The following OCA2 variants were observed in gnomAD, a reference collection of about 807,000 sequenced individuals.
OCA2 encodes P protein.
OCA2 carries 77 observed loss-of-function variants against 100.2 expected under a neutral mutation model. That is an observed-to-expected ratio of 0.77 (90% CI 0.64 to 0.93). The LOEUF (loss-of-function observed/expected upper bound fraction) is 0.93. OCA2 is among the 40% of genes least tolerant of loss of function. The pLI is 0.00. For synonymous variants in OCA2, 432 were observed against 439.2 expected, an observed-to-expected ratio of 0.98 and a Z score of 0.21; for missense variants, 1,062 against 1,089.1, an observed-to-expected ratio of 0.98 and a Z score of 0.35.
chr15:27,730,196 G>A, the OCA2 span, among the ~76,000 whole-genome samples: 13 of 152,178 alleles, frequency 8.5e-5, no homozygotes, highest in African/African-American at 3.1e-4. Flanking sequence ...CTGACTTACA[G>A]AATCAGGAAA....
chr15:27,879,261 G>A lies in OCA2; in HGVS notation c.2080-7339C>T, dbSNP rs143245766. 3.3e-5 allele frequency among the ~76,000 whole-genome samples: 5 copies of A among 152,242 alleles called. No homozygotes were observed. In the East Asian group the frequency reaches 9.6e-4, roughly 29 times the overall value. ...TTCTTTATCCAGGCTATCATTGTAG[G>A]GCATTTGGGATGATTCCATGTCTTT... On this transcript the variant is annotated intron_variant, in intron 19 of 23. Coordinates refer to ENST00000354638, the MANE Select transcript of OCA2 (RefSeq NM_000275.3).
intron 23 of OCA2, among the ~76,000 whole-genome samples, chr15:27,763,952 C>T (rs2031047660): frequency 6.6e-6 from 1 of 152,050 alleles, no homozygotes; most frequent in African/African-American, 2.4e-5. Context: ...AGTGTCCTCA[C>T]TAAGAAACCC....
intron 3 of OCA2, 37 bp downstream of exon 3, chr15:28,032,028 A>C: frequency 2.6e-6 from 4 of 1,522,822 alleles, no homozygotes; most frequent in Non-Finnish European, 3.6e-6. Context: ...CAATGCTCAG[A>C]AACTCTTACT....
chr15:27,874,867 C>T (rs1434920531), intron 19 of OCA2, among the ~76,000 whole-genome samples: 1 of 151,872 alleles, frequency 6.6e-6, no homozygotes, highest in East Asian at 1.9e-4. Flanking sequence ...GGTAATAAAT[C>T]ATAATAGAAA....
At chr15:27,824,622 A>ATATATATATATATATAT (rs56130193) in intron 23 of OCA2, among the ~76,000 whole-genome samples, 4 of 69,170 alleles carry the variant, frequency 5.8e-5, no homozygotes, top group Non-Finnish European at 7.9e-5. Flanking sequence ...ATATATATAT[A>ATATATATATATATATAT]ATATAATATA....
chr15:27,800,527 T>C (rs1163897361), intron 23 of OCA2, among the ~76,000 whole-genome samples: 2 of 152,176 alleles, frequency 1.3e-5, no homozygotes, highest in African/African-American at 4.8e-5. Context: ...ATTATACAGA[T>C]ATTAAAAGGA....
rs1278701759 is a variant in OCA2 at position 27,983,243 on chromosome 15, G to T, written c.1503+102C>A. 21 of 1,410,462 alleles carry T rather than the reference G, an allele frequency of 1.5e-5. No homozygotes were observed. The South Asian group carries it at 2.3e-4, about 16-fold the overall frequency. 87.4% of individuals were successfully genotyped at this position (1,410,462 alleles called of 1,614,324 possible). A position where few individuals can be genotyped will look rare whatever the true frequency, so the allele number is the denominator to read the frequency against. ...GTAGCACTTACTGTGAAGAGGTGGC[G>T]TGATGATCTTGATTTCTAACAAAGG... On this transcript the variant is annotated intron_variant, in intron 14 of 23. Coordinates refer to ENST00000354638, the MANE Select transcript of OCA2 (RefSeq NM_000275.3).
At chr15:27,990,254 G>A (rs1416978946) in intron 10 of OCA2, among the ~76,000 whole-genome samples, 1 of 152,064 alleles carries the variant, frequency 6.6e-6, no homozygotes, top group African/African-American at 2.4e-5. Flanking sequence ...CAGCTAGGAC[G>A]GTCCCCTCTA....
chr15:27,889,151 A>G (rs1458751593), intron 19 of OCA2, among the ~76,000 whole-genome samples: 1 of 152,204 alleles, frequency 6.6e-6, no homozygotes, highest in African/African-American at 2.4e-5. Flanking sequence ...GCTTTCTAGT[A>G]ACCAAAAGGT....
chr15:27,873,236 C>T (rs1177057225), intron 19 of OCA2, among the ~76,000 whole-genome samples: 2 of 152,180 alleles, frequency 1.3e-5, no homozygotes, highest in Non-Finnish European at 2.9e-5. Flanking sequence ...TAAAATGTTG[C>T]GTAGCAGCCC....
At chr15:27,772,380 T>C (rs950450797) in intron 23 of OCA2, among the ~76,000 whole-genome samples, 8 of 152,226 alleles carry the variant, frequency 5.3e-5, no homozygotes, top group African/African-American at 1.9e-4. Context: ...TTTTTCCCTC[T>C]CATTTTTATT....
intron 1 of OCA2, among the ~76,000 whole-genome samples, chr15:28,091,543 T>A (rs748842746): frequency 3.9e-5 from 6 of 152,212 alleles, no homozygotes; most frequent in Non-Finnish European, 7.3e-5. Context: ...AACATGGAGC[T>A]ACCATATGAC....
intron 1 of OCA2, among the ~76,000 whole-genome samples, chr15:28,096,864 G>A (rs944340956): frequency 6.9e-6 from 1 of 145,882 alleles, no homozygotes. Context: ...GCGGCCCCGC[G>A]GCAGGCCAGG....
chr15:27,933,336 G>A (rs748983395), intron 18 of OCA2, among the ~76,000 whole-genome samples: 2 of 134,212 alleles, frequency 1.5e-5, no homozygotes, highest in Non-Finnish European at 3.1e-5. Context: ...ACATTAAACA[G>A]ACAGAAGGTA....
intron 19 of OCA2, among the ~76,000 whole-genome samples, chr15:27,900,655 T>G (rs903638820): frequency 3.9e-5 from 6 of 152,214 alleles, no homozygotes; most frequent in African/African-American, 1.4e-4. Context: ...CCACATGTCT[T>G]GTGACCATCA....
chr15:28,027,247 G>A (rs574916196), intron 4 of OCA2, among the ~76,000 whole-genome samples: 1 of 151,944 alleles, frequency 6.6e-6, no homozygotes, highest in East Asian at 1.9e-4. Flanking sequence ...CCACTCCCAC[G>A]CCCGCCGTCC....
intron 1 of OCA2, among the ~76,000 whole-genome samples, chr15:28,097,840 G>A (rs192372347): frequency 7.7e-4 from 118 of 152,282 alleles, no homozygotes; most frequent in Non-Finnish European, 1.4e-3. Flanking sequence ...CACTCAGTGG[G>A]AAGGCCTTGG....
At chr15:27,906,265 T>C (rs992860298) in intron 19 of OCA2, among the ~76,000 whole-genome samples, 1 of 152,226 alleles carries the variant, frequency 6.6e-6, no homozygotes, top group East Asian at 1.9e-4. Flanking sequence ...TATTGTATTA[T>C]TGTATCAAAA....
intron 19 of OCA2, among the ~76,000 whole-genome samples, chr15:27,899,426 G>A (rs752606832): frequency 3.3e-5 from 5 of 152,178 alleles, no homozygotes; most frequent in Non-Finnish European, 5.9e-5. Flanking sequence ...CCAATCACAA[G>A]GGCTCTTATG....
Sources: allele counts gnomAD v4.1 joint callset (sites outside exome capture counted in the v4.1 genomes callset), GRCh38; gene constraint gnomAD v4.1.1; transcripts MANE v1.5; gene names NCBI Gene and HGNC (gene_info 2026-07-23, HGNC 2026-07-21).